MARCHF8: variants seen among roughly 807,000 people sequenced by gnomAD.
MARCHF8 encodes E3 ubiquitin-protein ligase MARCHF8.
In MARCHF8, 40 loss-of-function variants were observed where a neutral mutation model predicts 51.6. That is an observed-to-expected ratio of 0.77 (90% CI 0.60 to 1.01). MARCHF8 has a LOEUF of 1.01. Among genes scored for constraint, MARCHF8 ranks in the 50% least tolerant of loss-of-function variants. The pLI is 0.00. For synonymous variants in MARCHF8, 263 were observed against 280.3 expected, an observed-to-expected ratio of 0.94 and a Z score of 0.62; for missense variants, 685 against 708.6, an observed-to-expected ratio of 0.97 and a Z score of 0.38.
chr10:45,567,366 T>C (rs544467610), intron 1 of MARCHF8, among the ~76,000 whole-genome samples: 1 of 152,366 alleles, frequency 6.6e-6, no homozygotes, highest in African/African-American at 2.4e-5. Flanking sequence ...AACAATGTCT[T>C]GAAGATTTTC....
At chr10:45,522,263 T>A (rs894886054) in intron 2 of MARCHF8, among the ~76,000 whole-genome samples, 3 of 152,118 alleles carry the variant, frequency 2.0e-5, no homozygotes, top group Non-Finnish European at 4.4e-5. Context: ...TCTCAGTGGA[T>A]TGGTATGGGA....
intron 1 of MARCHF8, among the ~76,000 whole-genome samples, chr10:45,577,064 T>G (rs1426676955): frequency 4.6e-5 from 7 of 151,918 alleles, no homozygotes; most frequent in Non-Finnish European, 8.8e-5. Flanking sequence ...GGCAGAGACT[T>G]CATGAATGGG....
chr10:45,458,278 T>C lies in MARCHF8; in HGVS notation c.1683A>G (p.Thr561=), dbSNP rs1381976609. 1 of 1,613,882 alleles carries C rather than the reference T, an allele frequency of 6.2e-7. No homozygotes were observed. The highest frequency in any genetic ancestry group is 8.5e-7 in the Non-Finnish European group (1 of 1,179,942). Residue 561 remains threonine, a synonymous_variant, in exon 8 of 8, where the codon ACA becomes ACG. Transcript: ENST00000453424. ...CHSDTNSSCC[T]EPEDTGAEII... Reference sequence around the variant, plus strand: ...TTTCTGCTCCAGTGTCTTCAGGCTCTGTGCAACAAGAAGAGTTTGTGTCGG... The same window carrying C: ...TTTCTGCTCCAGTGTCTTCAGGCTCCGTGCAACAAGAAGAGTTTGTGTCGG...
intron 2 of MARCHF8, among the ~76,000 whole-genome samples, chr10:45,491,011 C>CT (rs1452349899): frequency 2.0e-5 from 3 of 152,220 alleles, no homozygotes; most frequent in Non-Finnish European, 2.9e-5. Flanking sequence ...TCAAGTGATC[C>CT]TCCCGCCTCA....
At chr10:45,463,020 A>G (rs149764206) in intron 5 of MARCHF8, 131 bp downstream of exon 5, 4 of 1,192,958 alleles carry the variant, frequency 3.4e-6, no homozygotes, top group Non-Finnish European at 4.6e-6. Flanking sequence ...ATTCTTCTGG[A>G]GAAAACCATC....
chr10:45,547,272 ATC>A (rs2133326676), intron 1 of MARCHF8, among the ~76,000 whole-genome samples: 1 of 152,318 alleles, frequency 6.6e-6, no homozygotes, highest in East Asian at 1.9e-4. Context: ...GCATTTGTAA[ATC>A]TTAAGTATTT....
At chr10:45,489,676 A>G (rs2043047719) in intron 2 of MARCHF8, among the ~76,000 whole-genome samples, 1 of 152,220 alleles carries the variant, frequency 6.6e-6, no homozygotes, top group African/African-American at 2.4e-5. Context: ...GGAAAAAATA[A>G]GAGTTTAGAA....
At chr10:45,580,360 TTGAAAA>T (rs1194182189) in intron 1 of MARCHF8, among the ~76,000 whole-genome samples, 5 of 152,086 alleles carry the variant, frequency 3.3e-5, no homozygotes, top group African/African-American at 1.2e-4. Context: ...CAGTGACTGT[TTGAAAA>T]TGAAAATAAG....
At chr10:45,545,927 C>T (rs1204047384) in intron 1 of MARCHF8, among the ~76,000 whole-genome samples, 1 of 152,122 alleles carries the variant, frequency 6.6e-6, no homozygotes, top group Non-Finnish European at 1.5e-5. Context: ...AAAGATTGCC[C>T]TGCTCCTGCC....
intron 1 of MARCHF8, among the ~76,000 whole-genome samples, chr10:45,583,924 A>C (rs1191085297): frequency 3.3e-5 from 5 of 150,072 alleles, no homozygotes; most frequent in Non-Finnish European, 7.4e-5. Flanking sequence ...AGAATTGCTT[A>C]AACCTGGAGG....
intron 1 of MARCHF8, among the ~76,000 whole-genome samples, chr10:45,592,064 G>T: frequency 6.6e-6 from 1 of 152,144 alleles, no homozygotes; most frequent in Non-Finnish European, 1.5e-5. Flanking sequence ...TGGAGAACTA[G>T]AACACCAGTC....
intron 2 of MARCHF8, among the ~76,000 whole-genome samples, chr10:45,500,165 C>T (rs942934976): frequency 6.6e-6 from 1 of 152,016 alleles, no homozygotes; most frequent in Non-Finnish European, 1.5e-5. Flanking sequence ...TAAGTTTATT[C>T]CTATTTTATG....
At chr10:45,501,182 T>C (rs2133142761) in intron 2 of MARCHF8, among the ~76,000 whole-genome samples, 1 of 152,106 alleles carries the variant, frequency 6.6e-6, no homozygotes, top group East Asian at 1.9e-4. Flanking sequence ...CTAAGATTTA[T>C]ATGGATAGGC....
intron 3 of MARCHF8, among the ~76,000 whole-genome samples, chr10:45,480,578 C>G (rs901018041): frequency 4.6e-5 from 7 of 152,200 alleles, no homozygotes; most frequent in African/African-American, 1.4e-4. Context: ...CCAAAGGATA[C>G]AAGCAGCCAG....
At chr10:45,547,673 T>C (rs2044144225) in intron 1 of MARCHF8, among the ~76,000 whole-genome samples, 1 of 152,256 alleles carries the variant, frequency 6.6e-6, no homozygotes, top group African/African-American at 2.4e-5. Context: ...AGGACTAAGA[T>C]AAAACATAAT....
At chr10:45,553,233 A>G (rs2044215130) in intron 1 of MARCHF8, 1 of 152,178 alleles carries the variant, frequency 6.6e-6, no homozygotes, top group Non-Finnish European at 1.5e-5. Flanking sequence ...TTTAAAAAAA[A>G]AGATAGAATT....
At chr10:45,510,464 G>A (rs895550124) in intron 2 of MARCHF8, among the ~76,000 whole-genome samples, 13 of 152,080 alleles carry the variant, frequency 8.5e-5, no homozygotes, top group African/African-American at 2.9e-4. Context: ...GTTCAATTTT[G>A]AAATAAAATT....
intron 1 of MARCHF8, among the ~76,000 whole-genome samples, chr10:45,569,852 T>C (rs1397692144): frequency 6.6e-6 from 1 of 152,028 alleles, no homozygotes; most frequent in African/African-American, 2.4e-5. Context: ...TTTTTTCAGA[T>C]TGGGGAGAAG....
intron 2 of MARCHF8, among the ~76,000 whole-genome samples, chr10:45,522,649 T>C (rs1256664788): frequency 1.3e-5 from 2 of 152,246 alleles, no homozygotes; most frequent in Non-Finnish European, 2.9e-5. Flanking sequence ...TAAGATGTCC[T>C]TGTAATTCTA....
Sources: allele counts gnomAD v4.1 joint callset (sites outside exome capture counted in the v4.1 genomes callset), GRCh38; gene constraint gnomAD v4.1.1; transcripts MANE v1.5; gene names NCBI Gene and HGNC (gene_info 2026-07-23, HGNC 2026-07-21).